LRRFIP1: variants seen among roughly 807,000 people sequenced by gnomAD.
The protein encoded by LRRFIP1 is leucine-rich repeat flightless-interacting protein 1.
In LRRFIP1, 62 loss-of-function variants were observed where a neutral mutation model predicts 104.4. The observed-to-expected ratio is 0.59, with a 90% CI of 0.48 to 0.73. The LOEUF (loss-of-function observed/expected upper bound fraction) is 0.73. Ranked by LOEUF, LRRFIP1 falls within the 30% of genes least tolerant of loss-of-function variation. The pLI is 0.00. For synonymous variants in LRRFIP1, 300 were observed against 299.0 expected (o/e 1.00, Z -0.03); for missense variants, 796 against 824.5 (o/e 0.97, Z 0.42).
intron 13 of LRRFIP1, among the ~76,000 whole-genome samples, chr2:237,750,978 G>A (rs1483383769): frequency 6.6e-6 from 1 of 152,118 alleles, no homozygotes; most frequent in Non-Finnish European, 1.5e-5. Context: ...AATCATATGA[G>A]ATACACTAAA....
intron 1 of LRRFIP1, among the ~76,000 whole-genome samples, chr2:237,662,668 G>A (rs901576043): frequency 1.3e-5 from 2 of 151,526 alleles, no homozygotes; most frequent in Non-Finnish European, 1.5e-5. Flanking sequence ...TCCCATTCTC[G>A]GTGTGGCTAT....
intron 15 of LRRFIP1, among the ~76,000 whole-genome samples, chr2:237,755,205 C>T (rs1016214436): frequency 6.6e-6 from 1 of 152,196 alleles, no homozygotes; most frequent in Non-Finnish European, 1.5e-5. Flanking sequence ...TGCCAGCTTC[C>T]TGGGCTGAGC....
chr2:237,699,076 G>A (rs1013120215), intron 1 of LRRFIP1, among the ~76,000 whole-genome samples: 1 of 152,150 alleles, frequency 6.6e-6, no homozygotes, highest in African/African-American at 2.4e-5. Flanking sequence ...TGTGCCTGGC[G>A]TCACAGGGAG....
intron 19 of LRRFIP1, among the ~76,000 whole-genome samples, chr2:237,767,309 C>G (rs2060306925): frequency 6.6e-6 from 1 of 152,122 alleles, no homozygotes; most frequent in South Asian, 2.1e-4. Context: ...TGAAAGGTTG[C>G]CTGCCAGCCA....
At chr2:237,770,940 A>G (rs1315946393) in intron 20 of LRRFIP1, among the ~76,000 whole-genome samples, 3 of 151,952 alleles carry the variant, frequency 2.0e-5, no homozygotes, top group African/African-American at 7.3e-5. Flanking sequence ...TCTGTTGAAG[A>G]TTCTCCGAAA....
In LRRFIP1 at chr2:237,780,938, C is replaced by A. The variant is rs1447480802; in HGVS notation, c.*1406C>A. Among the ~76,000 whole-genome samples the A allele has an allele frequency of 6.6e-6, 1 of 151,930 alleles. No homozygotes were observed. The highest frequency in any genetic ancestry group is 1.5e-5 in the Non-Finnish European group (1 of 68,022). ...CAAGTTATAGGGGGCTGGGGGCCAA[C>A]ACTGGCAAGTAGGAAACCACGGGTC... On this transcript the variant is annotated 3_prime_UTR_variant, in exon 24 of 24. Coordinates refer to ENST00000308482, the MANE Select transcript of LRRFIP1 (RefSeq NM_001137550.2).
chr2:237,688,816 T>C (rs2092577141), intron 1 of LRRFIP1, among the ~76,000 whole-genome samples: 2 of 151,792 alleles, frequency 1.3e-5, no homozygotes, highest in Non-Finnish European at 2.9e-5. Context: ...CTTTCCAAGG[T>C]GCCCTCGGGG....
chr2:237,650,574 A>G (rs2085770928), intron 1 of LRRFIP1, among the ~76,000 whole-genome samples: 1 of 152,208 alleles, frequency 6.6e-6, no homozygotes, highest in African/African-American at 2.4e-5. Context: ...GTGAATGACC[A>G]TCACAGCCTG....
At position 237,749,234 on chromosome 2, in the gene LRRFIP1, G is replaced by T. The variant is rs151302205; in HGVS notation, c.705G>T (p.Thr235=). 5.2e-5 allele frequency: 84 copies of T among 1,613,672 alleles called. 1 individual carries two copies. The East Asian group carries it at 1.0e-3, about 20-fold the overall frequency. ...ACATGCCGGGCCTGTCTGCAGCCAC[G>T]CTGGCCTCTCTGGGTGGGACTTCCT... The part of the protein sequence containing the change: ...SRNMPGLSAA[T]LASLGGTSSR... The change falls in exon 13 of 24, where the codon ACG becomes ACT. Residue 235 remains threonine, a synonymous_variant. Transcript: ENST00000308482.
At chr2:237,771,873 T>C (rs998960132) in intron 20 of LRRFIP1, 2 of 547,828 alleles carry the variant, frequency 3.7e-6, no homozygotes, top group Admixed American at 3.1e-5. Flanking sequence ...AGAATTTCAC[T>C]TTAGAAATGA....
At chr2:237,754,719 T>C (rs1261336924) in intron 15 of LRRFIP1, among the ~76,000 whole-genome samples, 1 of 152,244 alleles carries the variant, frequency 6.6e-6, no homozygotes, top group Non-Finnish European at 1.5e-5. Flanking sequence ...TCCTTATAGC[T>C]GAACTCTGCA....
At chr2:237,730,676 C>T (rs867614607) in intron 8 of LRRFIP1, among the ~76,000 whole-genome samples, 3 of 152,142 alleles carry the variant, frequency 2.0e-5, no homozygotes, top group African/African-American at 2.4e-5. Context: ...CCCAGCACTT[C>T]GGGAGGCCGA....
chr2:237,746,255 C>T (rs1198526157), intron 11 of LRRFIP1, among the ~76,000 whole-genome samples: 8 of 152,158 alleles, frequency 5.3e-5, no homozygotes, highest in South Asian at 2.1e-4. Context: ...GACAGGGTTT[C>T]GCCGTGTTGG....
intron 1 of LRRFIP1, among the ~76,000 whole-genome samples, chr2:237,641,694 T>C (rs1345454238): frequency 6.6e-6 from 1 of 152,212 alleles, no homozygotes; most frequent in Non-Finnish European, 1.5e-5. Context: ...AGGACTGCCT[T>C]GCAGATCCAC....
chr2:237,700,416 G>C (rs912802498), intron 1 of LRRFIP1, among the ~76,000 whole-genome samples: 1 of 152,190 alleles, frequency 6.6e-6, no homozygotes, highest in Non-Finnish European at 1.5e-5. Context: ...GAGTGAACTT[G>C]AATTACATCC....
At chr2:237,728,285 G>A (rs1274448107) in intron 8 of LRRFIP1, among the ~76,000 whole-genome samples, 2 of 152,200 alleles carry the variant, frequency 1.3e-5, no homozygotes, top group Non-Finnish European at 2.9e-5. Flanking sequence ...AGCTTTCAAA[G>A]ATACTAAATC....
intron 23 of LRRFIP1, among the ~76,000 whole-genome samples, chr2:237,777,792 C>T (rs1315877635): frequency 6.6e-6 from 1 of 152,144 alleles, no homozygotes; most frequent in African/African-American, 2.4e-5. Flanking sequence ...TTAGTCTCTC[C>T]ACTTTCCCCT....
intron 20 of LRRFIP1, among the ~76,000 whole-genome samples, chr2:237,771,089 G>A (rs1403846174): frequency 2.6e-5 from 4 of 152,088 alleles, no homozygotes; most frequent in Non-Finnish European, 5.9e-5. Flanking sequence ...GGTCTCCTGT[G>A]CTTGGTGTGT....
intron 1 of LRRFIP1, among the ~76,000 whole-genome samples, chr2:237,638,496 C>T (rs1232134351): frequency 6.6e-6 from 1 of 152,188 alleles, no homozygotes; most frequent in Non-Finnish European, 1.5e-5. Context: ...AGTCTGTGCC[C>T]CAGGGGTAGG....
Sources: gnomAD v4.1 joint callset for allele counts (sites outside exome capture counted in the v4.1 genomes callset) on GRCh38, gnomAD v4.1.1 for gene constraint, MANE v1.5 for transcripts, NCBI Gene and HGNC (gene_info 2026-07-23, HGNC 2026-07-21) for gene names.